Variants in EMG1 observed in about 807,000 individuals in gnomAD.
The protein encoded by EMG1 is ribosomal RNA small subunit methyltransferase NEP1.
A neutral mutation model predicts 26.9 loss-of-function variants in EMG1; 24 were observed. That is an observed-to-expected ratio of 0.89 (90% CI 0.65 to 1.26). EMG1 has a LOEUF of 1.26. EMG1 is among the 50% of genes most tolerant of loss of function. The pLI, the probability that EMG1 is intolerant of heterozygous loss-of-function variation, is 0.00. For synonymous variants in EMG1, 140 were observed against 112.6 expected, an observed-to-expected ratio of 1.24 and a Z score of -1.54; for missense variants, 299 against 307.6, an observed-to-expected ratio of 0.97 and a Z score of 0.21.
At chr12:6,980,318 C>T (rs1439274331), downstream of EMG1, among the ~76,000 whole-genome samples, 2 of 151,436 alleles carry the variant, frequency 1.3e-5, no homozygotes, top group East Asian at 3.9e-4. Context: ...GTTGGCATTA[C>T]AGGCATGAGC....
At chr12:6,980,888 C>G (rs782664006), downstream of EMG1, 13 of 1,020,814 alleles carry the variant, frequency 1.3e-5, no homozygotes, top group Middle Eastern at 6.6e-4. Context: ...CAGTCCAGGG[C>G]CTGCATGACT....
rs11462026 is a variant in EMG1 at position 6,973,004 on chromosome 12, AT to A, written c.169-1318del. On this transcript the variant is annotated intron_variant, in intron 1 of 5. Transcript: ENST00000599672. ...CAGCAAATGGCACTGCGCCTGGCTAATTTTTTTTTTTTTTTTTGTGAGACAG... is the reference window on the plus strand; with the variant it reads ...CAGCAAATGGCACTGCGCCTGGCTAATTTTTTTTTTTTTTTTGTGAGACAG... Among the ~76,000 whole-genome samples the A allele has an allele frequency of 4.5e-3, 617 of 137,506 alleles. 1 individual carries two copies. Among genetic ancestry groups the A allele is most frequent in the South Asian group, 0.033 (144 of 4,312 alleles). The allele number at this position is 137,506 out of a possible 152,430, so 90.2% of individuals were successfully genotyped here.
chr12:6,985,957 T>C (rs1416802360), intron 6 of EMG1, among the ~76,000 whole-genome samples: 1 of 151,964 alleles, frequency 6.6e-6, no homozygotes, highest in Non-Finnish European at 1.5e-5. Flanking sequence ...GTATTTTTAG[T>C]AGAGACGGTA....
downstream of EMG1, chr12:6,982,590 A>G (rs891841031): frequency 2.8e-5 from 28 of 1,004,972 alleles, no homozygotes; most frequent in Middle Eastern, 2.9e-4. Context: ...TAGGTCTGCT[A>G]ATTTCTATAC....
chr12:6,973,865 C>T (rs1043116889), intron 1 of EMG1, among the ~76,000 whole-genome samples: 29 of 152,210 alleles, frequency 1.9e-4, no homozygotes, highest in African/African-American at 6.8e-4. Flanking sequence ...TTCAGATTTG[C>T]AGCTCTTCAC....
rs976384561 is a variant in EMG1 at position 6,972,983 on chromosome 12, A to G, written c.169-1356A>G. On this transcript the variant is annotated intron_variant, in intron 1 of 5. Coordinates refer to ENST00000599672, the MANE Select transcript of EMG1 (RefSeq NM_006331.8). ...CTCCTGAGTAACTGGGACTGCCAGC[A>G]AATGGCACTGCGCCTGGCTAATTTT... Among the ~76,000 whole-genome samples the G allele has an allele frequency of 5.3e-5, 8 of 151,132 alleles. No individual in the cohort carries two copies. The South Asian group carries it at 1.3e-3, about 24-fold the overall frequency.
Position 6,987,272 on chromosome 12 carries a change from G to T in EMG1, c.*155-510G>T, listed in dbSNP as rs1946538500. Reference sequence around the variant, plus strand: ...TTCACCAAGTGTTTAGTAAATGCCTGCTATATGCCAGGTATTCTGTTTATG... The same window carrying T: ...TTCACCAAGTGTTTAGTAAATGCCTTCTATATGCCAGGTATTCTGTTTATG... On this transcript the variant is annotated intron_variant and NMD_transcript_variant, in intron 6 of 7. Transcript: ENST00000261406. The surrounding 1 kb of genome is among the most constrained non-coding windows in gnomAD (Gnocchi z 4.1). Among the ~76,000 whole-genome samples, 1 of 152,172 alleles carries T rather than the reference G, an allele frequency of 6.6e-6. No individual in the cohort carries two copies.
At chr12:6,990,688 C>G (rs782424912), downstream of EMG1, among the ~76,000 whole-genome samples, 2 of 150,944 alleles carry the variant, frequency 1.3e-5, no homozygotes, top group Non-Finnish European at 3.0e-5. Context: ...TTTGGGAGGC[C>G]GAGGTGGGTG....
At chr12:6,981,639 A>G, downstream of EMG1, 1 of 1,544,464 alleles carries the variant, frequency 6.5e-7, no homozygotes, top group Non-Finnish European at 8.8e-7. Flanking sequence ...AAACCTGAGC[A>G]GAGAGAGAAC....
Position 6,978,566 on chromosome 12 carries a change from T to C in EMG1, c.*2757T>C, listed in dbSNP as rs1555153635. On this transcript the variant is annotated 3_prime_UTR_variant, in exon 6 of 6. Coordinates refer to ENST00000599672, the MANE Select transcript of EMG1 (RefSeq NM_006331.8). ...ACTCCCCATACTGGCCCCCATGGCT[T>C]GTCTAAATAGGACCTTGTTTCAACT... The C allele has an allele frequency of 1.9e-6, 3 of 1,613,448 alleles. No homozygotes were observed. The South Asian group carries it at 3.3e-5, about 18-fold the overall frequency.
In EMG1 at chr12:6,978,749, C is replaced by T. The variant is rs1426992603; in HGVS notation, c.*2940C>T. The T allele has an allele frequency of 1.2e-5, 19 of 1,589,250 alleles. No homozygotes were observed. The African/African-American group carries it at 2.1e-4, about 17-fold the overall frequency. ...CACATGACTAGGCAGTTTCTCTCAGCACTCTTCCTTTTCACACTTGTGGCT... is the reference window on the plus strand; with the variant it reads ...CACATGACTAGGCAGTTTCTCTCAGTACTCTTCCTTTTCACACTTGTGGCT... On this transcript the variant is annotated 3_prime_UTR_variant, in exon 6 of 6. Coordinates refer to ENST00000599672, the MANE Select transcript of EMG1 (RefSeq NM_006331.8).
rs115586741 is a variant in EMG1 at position 6,977,136 on chromosome 12, G to A, written c.*1327G>A. ...TTAGTTTAGCTGTATTAACTTACCA[G>A]GGAAATGGATTATTCCATCTTCTTT... On this transcript the variant is annotated 3_prime_UTR_variant, in exon 6 of 6. Coordinates refer to ENST00000599672, the MANE Select transcript of EMG1 (RefSeq NM_006331.8). The surrounding 1 kb of genome is among the most constrained non-coding windows in gnomAD (Gnocchi z 4.5). The A allele has an allele frequency of 4.9e-3, 7,709 of 1,559,670 alleles. 278 individuals are homozygous for A. The African/African-American group carries it at 0.072, about 15-fold the overall frequency.
downstream of EMG1, chr12:6,981,225 C>A: frequency 6.6e-7 from 1 of 1,525,972 alleles, no homozygotes; most frequent in Non-Finnish European, 8.9e-7. Context: ...AGCCTTGAAT[C>A]TCCCCACAAG....
intron 2 of EMG1, 30 bp from the exon 3 acceptor site, chr12:6,974,522 T>A (rs1555152762): frequency 5.6e-6 from 9 of 1,612,094 alleles, no homozygotes; most frequent in Non-Finnish European, 7.6e-6. Flanking sequence ...TCTTCAGCCT[T>A]AACCATGTCT....
intron 5 of EMG1, 97 bp from the exon 6 acceptor site, chr12:6,975,599 C>A: frequency 2.0e-6 from 2 of 1,009,594 alleles, no homozygotes; most frequent in Non-Finnish European, 3.2e-6. Flanking sequence ...AACAGCACAG[C>A]TGAAATACTA....
chr12:6,995,829 C>A (rs1259814440), intron 7 of EMG1, among the ~76,000 whole-genome samples: 1 of 152,182 alleles, frequency 6.6e-6, no homozygotes, highest in Non-Finnish European at 1.5e-5. Context: ...CTGACCACTT[C>A]TCTCCGCCTC....
At chr12:6,975,021 C>T (rs1946376822) in intron 3 of EMG1, 69 bp from the exon 4 acceptor site, 2 of 1,498,210 alleles carry the variant, frequency 1.3e-6, no homozygotes, top group Non-Finnish European at 1.9e-6. Context: ...TGGGGTTTTC[C>T]TTGTTCGATG....
At chr12:6,983,972 G>A (rs781853499), downstream of EMG1, among the ~76,000 whole-genome samples, 11 of 152,052 alleles carry the variant, frequency 7.2e-5, no homozygotes, top group East Asian at 1.9e-4. Context: ...GCGAAACCCC[G>A]TCTCTATTAA....
In EMG1 at chr12:6,974,371, C is replaced by T. The variant is rs782707397; in HGVS notation, c.201C>T (p.Asp67=). The part of the protein sequence containing the change: ...VGKTYELLNC[D]KHKSILLKNG... ...AGACATATGAGCTACTCAACTGTGA[C>T]AAGCACAAGTCTATATTGTTGAAGA... The change falls in exon 2 of 6, where the codon GAC becomes GAT. Residue 67 remains aspartate (D), a synonymous_variant. Coordinates refer to ENST00000599672, the MANE Select transcript of EMG1 (RefSeq NM_006331.8). The T allele has an allele frequency of 6.2e-7, 1 of 1,613,622 alleles. No individual in the cohort carries two copies. The highest frequency in any genetic ancestry group is 8.5e-7 in the Non-Finnish European group (1 of 1,179,678).
Sources: gnomAD v4.1 joint callset for allele counts (sites outside exome capture counted in the v4.1 genomes callset) on GRCh38, gnomAD v4.1.1 for gene constraint, Gnocchi (gnomAD v3.1) non-coding constraint, MANE v1.5 for transcripts, NCBI Gene and HGNC (gene_info 2026-07-23, HGNC 2026-07-21) for gene names.